Variants in RYR3 observed in about 807,000 individuals in gnomAD.
RYR3 encodes the protein ryanodine receptor 3, also known as brain ryanodine receptor-calcium release channel.
RYR3 carries 207 observed loss-of-function variants against 584.3 expected under a neutral mutation model. The observed-to-expected ratio is 0.35, with a 90% CI of 0.32 to 0.40. The LOEUF is 0.40. Ranked by LOEUF, RYR3 falls within the 10% of genes least tolerant of loss-of-function variation. The probability of loss-of-function intolerance (pLI) is 1.00; values close to 1 mark genes in which losing one functional copy is unlikely to be tolerated. For synonymous variants in RYR3, 2,416 were observed against 2,248.5 expected (o/e 1.07, Z -2.11); for missense variants, 5,616 against 6,089.2 (o/e 0.92, Z 2.59).
At chr15:33,733,588 TG>T (rs1409923944) in intron 48 of RYR3, among the ~76,000 whole-genome samples, 1 of 152,006 alleles carries the variant, frequency 6.6e-6, no homozygotes, top group Non-Finnish European at 1.5e-5. Context: ...TGTCAGGGGT[TG>T]GGGGAGGGAG....
intron 1 of RYR3, among the ~76,000 whole-genome samples, chr15:33,368,448 G>A (rs1006179006): frequency 4.0e-5 from 6 of 149,770 alleles, no homozygotes; most frequent in African/African-American, 1.5e-4. Context: ...GGCTTGGGGA[G>A]ACACAGGGTT....
chr15:33,673,568 G>A (rs976596005), intron 38 of RYR3, among the ~76,000 whole-genome samples: 32 of 152,258 alleles, frequency 2.1e-4, no homozygotes, highest in African/African-American at 7.2e-4. Context: ...CCTAGAAAAT[G>A]TTTTGCTTGT....
At chr15:33,660,144 C>A in intron 33 of RYR3, 53 bp from the exon 34 acceptor site, 1 of 1,246,154 alleles carries the variant, frequency 8.0e-7, no homozygotes, top group Non-Finnish European at 1.1e-6. Flanking sequence ...TGTCTGGGTG[C>A]GTCATCCAGC....
At chr15:33,731,897 G>A (rs1384638600) in intron 48 of RYR3, among the ~76,000 whole-genome samples, 1 of 152,140 alleles carries the variant, frequency 6.6e-6, no homozygotes, top group African/African-American at 2.4e-5. Flanking sequence ...TTTCCCTTTG[G>A]GGGAAGGGAG....
chr15:33,406,000 C>T (rs960110665), intron 1 of RYR3, among the ~76,000 whole-genome samples: 2 of 152,224 alleles, frequency 1.3e-5, no homozygotes, highest in Non-Finnish European at 2.9e-5. Context: ...GAAAAGGACT[C>T]TCAGTGGCTC....
At chr15:33,502,167 C>G (rs1255425741) in intron 2 of RYR3, among the ~76,000 whole-genome samples, 3 of 152,084 alleles carry the variant, frequency 2.0e-5, no homozygotes, top group Non-Finnish European at 4.4e-5. Context: ...TGGCTTAAAA[C>G]TTTAATAAAG....
chr15:33,862,017 A>G (rs551080124), intron 102 of RYR3, among the ~76,000 whole-genome samples: 3 of 152,334 alleles, frequency 2.0e-5, no homozygotes, highest in South Asian at 4.1e-4. Context: ...CATTCACTGA[A>G]TAACAAGTTA....
intron 12 of RYR3, among the ~76,000 whole-genome samples, chr15:33,567,970 T>C (rs2057806488): frequency 6.6e-6 from 1 of 152,216 alleles, no homozygotes; most frequent in Non-Finnish European, 1.5e-5. Flanking sequence ...CATCAGAATC[T>C]GCAGATGTTG....
chr15:33,409,474 G>A lies in RYR3; in HGVS notation c.52-63945G>A, dbSNP rs376989337. 1.9e-4 allele frequency among the ~76,000 whole-genome samples: 29 copies of A among 152,176 alleles called. No homozygotes were observed. In the East Asian group the frequency reaches 5.6e-3, roughly 29 times the overall value. On this transcript the variant is annotated intron_variant, in intron 1 of 103. Transcript: ENST00000634891. ...TCTGGCTGTCTTGGGCTCCCCAGGT[G>A]CTCAGCTCTATCTCTTCACCTCAGG... is the stretch of plus-strand genomic sequence containing the variant.
At chr15:33,566,374 A>G (rs2057715605) in intron 11 of RYR3, among the ~76,000 whole-genome samples, 1 of 152,178 alleles carries the variant, frequency 6.6e-6, no homozygotes, top group African/African-American at 2.4e-5. Context: ...TAAGAGGAAA[A>G]TCAATCATGA....
At chr15:33,601,118 TCTTA>T (rs1164393959) in intron 16 of RYR3, among the ~76,000 whole-genome samples, 2 of 152,196 alleles carry the variant, frequency 1.3e-5, no homozygotes, top group African/African-American at 4.8e-5. Context: ...GAGCACAGCC[TCTTA>T]CTTACTGTAA....
At chr15:33,457,319 C>A (rs1051784892) in intron 1 of RYR3, among the ~76,000 whole-genome samples, 1 of 152,084 alleles carries the variant, frequency 6.6e-6, no homozygotes, top group Non-Finnish European at 1.5e-5. Context: ...ACACTATCTA[C>A]AATAGCCAAG....
At chr15:33,369,859 G>A (rs991734479) in intron 1 of RYR3, among the ~76,000 whole-genome samples, 1 of 152,158 alleles carries the variant, frequency 6.6e-6, no homozygotes, top group African/African-American at 2.4e-5. Context: ...TTTGTGAAAT[G>A]TCTCTCTTCC....
chr15:33,756,216 C>G, intron 58 of RYR3, 90 bp from the exon 59 acceptor site: 1 of 845,876 alleles, frequency 1.2e-6, no homozygotes, highest in East Asian at 2.6e-5. Context: ...TTTTAAATAG[C>G]CTTTAGAAAA....
intron 1 of RYR3, among the ~76,000 whole-genome samples, chr15:33,352,368 A>T (rs975579280): frequency 2.6e-5 from 4 of 151,844 alleles, no homozygotes; most frequent in African/African-American, 9.7e-5. Flanking sequence ...TAGCTCTGAG[A>T]ATTAGGGTTG....
chr15:33,860,498 T>C, intron 100 of RYR3, 97 bp from the exon 101 acceptor site: 1 of 656,216 alleles, frequency 1.5e-6, no homozygotes, highest in South Asian at 3.2e-5. Flanking sequence ...ATAATTCACT[T>C]TTTTTTTTTA....
At chr15:33,839,015 A>G (rs2152981728) in intron 89 of RYR3, 57 bp downstream of exon 89, 3 of 1,552,898 alleles carry the variant, frequency 1.9e-6, no homozygotes, top group South Asian at 2.5e-5. Context: ...ACTTGCCACC[A>G]TATCTTGTAA....
At chr15:33,351,063 A>G (rs1470402400) in intron 1 of RYR3, among the ~76,000 whole-genome samples, 1 of 152,194 alleles carries the variant, frequency 6.6e-6, no homozygotes, top group South Asian at 2.1e-4. Context: ...TGCAATAAAA[A>G]ATGATAAAGG....
At chr15:33,831,226 C>G in intron 86 of RYR3, 135 bp downstream of exon 86, 1 of 806,928 alleles carries the variant, frequency 1.2e-6, no homozygotes, top group Non-Finnish European at 1.8e-6. Flanking sequence ...TTTTTATTTT[C>G]TCTAAATAGG....
Sources: gnomAD v4.1 joint callset for allele counts (sites outside exome capture counted in the v4.1 genomes callset) on GRCh38, gnomAD v4.1.1 for gene constraint, MANE v1.5 for transcripts, NCBI Gene and HGNC (gene_info 2026-07-23, HGNC 2026-07-21) for gene names.